The following ANXA8 variants were observed in gnomAD, a reference collection of about 807,000 sequenced individuals.
ANXA8 encodes the protein VAC-beta.
ANXA8 carries 9 observed loss-of-function variants against 26.8 expected under a neutral mutation model. The ratio of observed to expected loss-of-function variants is 0.34; its 90% CI spans 0.20 to 0.59. ANXA8 has a LOEUF of 0.59. Ranked by LOEUF, ANXA8 falls within the 20% of genes least tolerant of loss-of-function variation. ANXA8 has a pLI of 0.84. For synonymous variants in ANXA8, 39 were observed against 94.8 expected (o/e 0.41, Z 3.42); for missense variants, 83 against 238.5 (o/e 0.35, Z 4.29).
At chr10:47,700,424 T>C in the ANXA8 span, among the ~76,000 whole-genome samples, 1 of 151,906 alleles carries the variant, frequency 6.6e-6, no homozygotes, top group African/African-American at 2.4e-5. Context: ...TCTTAATAAA[T>C]GGTGCTGAGA....
chr10:47,600,875 T>C, the ANXA8 span, among the ~76,000 whole-genome samples: 1 of 148,496 alleles, frequency 6.7e-6, no homozygotes, highest in Non-Finnish European at 1.5e-5. Context: ...ACTTAGTACC[T>C]AGTCACTAAT....
intron 11 of ANXA8, among the ~76,000 whole-genome samples, chr10:47,470,110 T>G (rs1258881271): frequency 6.6e-6 from 1 of 151,916 alleles, no homozygotes; most frequent in Admixed American, 6.5e-5. Context: ...TTTTGTTTAC[T>G]TTTTCAAATA....
chr10:47,710,969 CT>C, the ANXA8 span, among the ~76,000 whole-genome samples: 1 of 144,026 alleles, frequency 6.9e-6, no homozygotes, highest in Admixed American at 6.9e-5. Context: ...ACTACTTTAC[CT>C]TTTTAGTGAA....
the ANXA8 span, among the ~76,000 whole-genome samples, chr10:47,521,047 C>A: frequency 8.8e-6 from 1 of 113,756 alleles, no homozygotes; most frequent in Non-Finnish European, 1.7e-5. Context: ...TCTGAGGACA[C>A]AGAACCTTAG....
At chr10:47,486,985 A>G (rs1348942957), upstream of ANXA8, among the ~76,000 whole-genome samples, 29 of 150,726 alleles carry the variant, frequency 1.9e-4, no homozygotes, top group African/African-American at 6.6e-4. Context: ...AACAAAAACA[A>G]AAACAAAAAC....
At chr10:47,735,611 A>T in the ANXA8 span, among the ~76,000 whole-genome samples, 1 of 146,998 alleles carries the variant, frequency 6.8e-6, no homozygotes, top group Non-Finnish European at 1.5e-5. Context: ...GGCTCAAGTG[A>T]TCCATCACCT....
chr10:47,680,020 C>T, the ANXA8 span, among the ~76,000 whole-genome samples: 15 of 151,368 alleles, frequency 9.9e-5, no homozygotes, highest in Admixed American at 3.3e-4. Flanking sequence ...TTGTTGCCCA[C>T]GCTGGAGTGC....
At chr10:47,702,630 C>T in the ANXA8 span, among the ~76,000 whole-genome samples, 1,182 of 151,604 alleles carry the variant, frequency 7.8e-3, 12 homozygotes, top group African/African-American at 0.027. Context: ...TGTGAGCCAC[C>T]GTGCCCGGCC....
At chr10:47,671,822 T>C in the ANXA8 span, among the ~76,000 whole-genome samples, 1 of 151,810 alleles carries the variant, frequency 6.6e-6, no homozygotes, top group Non-Finnish European at 1.5e-5. Flanking sequence ...TCTCTAGCAA[T>C]GGAAAAAAAT....
At chr10:47,959,300 T>C in the ANXA8 span, among the ~76,000 whole-genome samples, 2 of 146,994 alleles carry the variant, frequency 1.4e-5, no homozygotes, top group South Asian at 4.3e-4. Flanking sequence ...GGGTACAGTA[T>C]GAGCTCTGTG....
the ANXA8 span, among the ~76,000 whole-genome samples, chr10:47,735,124 C>T: frequency 1.3e-5 from 2 of 150,950 alleles, no homozygotes; most frequent in Admixed American, 6.7e-5. Flanking sequence ...TTTTGAGAGA[C>T]GGTCTTGCTC....
chr10:47,563,930 C>A, the ANXA8 span, among the ~76,000 whole-genome samples: 1 of 150,488 alleles, frequency 6.6e-6, no homozygotes, highest in Admixed American at 6.6e-5. Flanking sequence ...TTCAATTCCT[C>A]AACATATTCT....
At chr10:47,660,283 G>A in the ANXA8 span, among the ~76,000 whole-genome samples, 30 of 148,710 alleles carry the variant, frequency 2.0e-4, no homozygotes, top group South Asian at 1.5e-3. Context: ...CTCAAAGCCC[G>A]TTAAGAGCAG....
the ANXA8 span, among the ~76,000 whole-genome samples, chr10:47,561,109 T>C: frequency 1.3e-5 from 2 of 152,012 alleles, no homozygotes; most frequent in Non-Finnish European, 2.9e-5. Context: ...AAATTGTAGA[T>C]ATATATTTAT....
At chr10:47,909,036 T>A in the ANXA8 span, among the ~76,000 whole-genome samples, 1 of 78,280 alleles carries the variant, frequency 1.3e-5, no homozygotes, top group Non-Finnish European at 2.6e-5. Flanking sequence ...CACACACGAC[T>A]AATATTGCAA....
At chr10:47,502,745 T>C in the ANXA8 span, 2 of 1,591,770 alleles carry the variant, frequency 1.3e-6, no homozygotes, top group Admixed American at 3.4e-5. Flanking sequence ...ATGGCCTCAC[T>C]CTGGCTGGTC....
At chr10:47,521,929 C>T in the ANXA8 span, among the ~76,000 whole-genome samples, 19 of 150,106 alleles carry the variant, frequency 1.3e-4, no homozygotes, top group Non-Finnish European at 2.2e-4. Context: ...TACAGTCATG[C>T]GCCACTACGC....
the ANXA8 span, among the ~76,000 whole-genome samples, chr10:47,617,824 A>G: frequency 2.1e-5 from 3 of 144,080 alleles, no homozygotes; most frequent in African/African-American, 8.2e-5. Flanking sequence ...TGCAGTGACT[A>G]TTTGAACTTT....
At chr10:47,958,584 C>T in the ANXA8 span, among the ~76,000 whole-genome samples, 2 of 148,410 alleles carry the variant, frequency 1.3e-5, no homozygotes, top group African/African-American at 5.1e-5. Flanking sequence ...GGCTTCGCCT[C>T]CTCCTCTAAC....
Sources: gnomAD v4.1 joint callset for allele counts (sites outside exome capture counted in the v4.1 genomes callset) on GRCh38, gnomAD v4.1.1 for gene constraint, MANE v1.5 for transcripts, NCBI Gene and HGNC (gene_info 2026-07-23, HGNC 2026-07-21) for gene names.